Variants in TENM2 observed in about 807,000 individuals in gnomAD.
TENM2 encodes teneurin-2.
A neutral mutation model predicts 245.2 loss-of-function variants in TENM2; 52 were observed. The ratio of observed to expected loss-of-function variants is 0.21; its 90% CI spans 0.17 to 0.27. TENM2 has a LOEUF of 0.27. Ranked by LOEUF, TENM2 falls within the 10% of genes least tolerant of loss-of-function variation. TENM2 has a pLI of 1.00. For missense variants in TENM2, 3,046 were observed against 3,666.8 expected (o/e 0.83, Z 4.37); for synonymous variants, 1,363 against 1,438.9 (o/e 0.95, Z 1.19).
At chr5:167,678,061 G>A (rs1246314900) in intron 2 of TENM2, among the ~76,000 whole-genome samples, 1 of 152,014 alleles carries the variant, frequency 6.6e-6, no homozygotes, top group African/African-American at 2.4e-5. Flanking sequence ...ACAGGTCACA[G>A]AGTAGTCTAT....
chr5:167,202,677 C>A, the TENM2 span, among the ~76,000 whole-genome samples: 1 of 152,136 alleles, frequency 6.6e-6, no homozygotes, highest in Non-Finnish European at 1.5e-5. Flanking sequence ...AGGTGTGGCT[C>A]CTGGGAGTAC....
the TENM2 span, among the ~76,000 whole-genome samples, chr5:167,244,725 G>A: frequency 6.6e-6 from 1 of 152,158 alleles, no homozygotes; most frequent in Non-Finnish European, 1.5e-5. Context: ...TGGGCTTTTA[G>A]TGAGGCTGTG....
At chr5:167,165,484 G>A in the TENM2 span, 1 of 152,280 alleles carries the variant, frequency 6.6e-6, no homozygotes, top group South Asian at 2.1e-4. Flanking sequence ...CGAGGATGCG[G>A]TCTGGTGGGG....
intron 1 of TENM2, among the ~76,000 whole-genome samples, chr5:167,291,972 ATGGT>A (rs1754667394): frequency 6.6e-6 from 1 of 152,186 alleles, no homozygotes. Context: ...CCTCACAATC[ATGGT>A]AGAAGGCAAA....
At chr5:167,863,384 G>A (rs1250792690) in intron 2 of TENM2, among the ~76,000 whole-genome samples, 1 of 151,966 alleles carries the variant, frequency 6.6e-6, no homozygotes, top group Non-Finnish European at 1.5e-5. Context: ...GGAGGCTGAG[G>A]CAGGAGAATT....
At chr5:168,012,753 T>C (rs973843050) in intron 5 of TENM2, among the ~76,000 whole-genome samples, 5 of 132,506 alleles carry the variant, frequency 3.8e-5, no homozygotes, top group African/African-American at 1.5e-4. Flanking sequence ...ACCTTTCAGC[T>C]GTAAGTTATC....
chr5:168,106,831 C>T (rs760440113), intron 9 of TENM2, among the ~76,000 whole-genome samples: 2 of 152,206 alleles, frequency 1.3e-5, no homozygotes, highest in African/African-American at 2.4e-5. Flanking sequence ...GAGGCCAAGA[C>T]AGGCAGATCA....
At chr5:167,883,300 C>T (rs555381642) in intron 3 of TENM2, among the ~76,000 whole-genome samples, 1 of 152,330 alleles carries the variant, frequency 6.6e-6, no homozygotes, top group South Asian at 2.1e-4. Context: ...ACTTGCCTAG[C>T]AATGTACCAA....
the TENM2 span, among the ~76,000 whole-genome samples, chr5:167,075,025 A>G: frequency 1.3e-5 from 2 of 152,078 alleles, no homozygotes; most frequent in Non-Finnish European, 1.5e-5. Context: ...TGTTTTTGCT[A>G]TTGTTCTTAA....
At chr5:167,187,900 C>T in the TENM2 span, among the ~76,000 whole-genome samples, 1 of 152,068 alleles carries the variant, frequency 6.6e-6, no homozygotes, top group African/African-American at 2.4e-5. Flanking sequence ...CACCCCGAGC[C>T]ATAACTTTTG....
At position 167,735,243 on chromosome 5, in the gene TENM2, A is replaced by C. The variant is rs185595891; in HGVS notation, c.503-140743A>C. Among the ~76,000 whole-genome samples, 180 of 152,324 alleles carry C rather than the reference A, an allele frequency of 1.2e-3. 2 individuals carry two copies. The highest frequency in any genetic ancestry group is 3.7e-3 in the African/African-American group (153 of 41,572). Reference sequence around the variant, plus strand: ...CACTGATTCCCATGTTGAAGTCTGAAAATTTACAGATGAAAAAAACTATGT... The same window carrying C: ...CACTGATTCCCATGTTGAAGTCTGACAATTTACAGATGAAAAAAACTATGT... On this transcript the variant is annotated intron_variant, in intron 2 of 28. Transcript: ENST00000518659.
At chr5:167,118,221 A>G in the TENM2 span, among the ~76,000 whole-genome samples, 1 of 152,208 alleles carries the variant, frequency 6.6e-6, no homozygotes, top group African/African-American at 2.4e-5. Flanking sequence ...ATTAAAAATG[A>G]AGTTTCTCTT....
chr5:167,209,217 C>T, the TENM2 span, among the ~76,000 whole-genome samples: 41 of 152,184 alleles, frequency 2.7e-4, no homozygotes, highest in African/African-American at 8.9e-4. Flanking sequence ...TGAAGTACTT[C>T]GCTTTCCTGG....
intron 2 of TENM2, among the ~76,000 whole-genome samples, chr5:167,673,602 A>T (rs1388237501): frequency 1.3e-5 from 2 of 152,118 alleles, no homozygotes; most frequent in Non-Finnish European, 2.9e-5. Flanking sequence ...GCATAGGAGG[A>T]TAATAGTCTG....
intron 19 of TENM2, among the ~76,000 whole-genome samples, chr5:168,210,882 CT>C (rs1319533080): frequency 6.6e-6 from 1 of 152,212 alleles, no homozygotes; most frequent in Non-Finnish European, 1.5e-5. Flanking sequence ...CTTCTCGTCT[CT>C]GGCACGTCAA....
At chr5:167,535,884 C>T (rs1771808338) in intron 2 of TENM2, among the ~76,000 whole-genome samples, 1 of 152,160 alleles carries the variant, frequency 6.6e-6, no homozygotes, top group African/African-American at 2.4e-5. Flanking sequence ...GGCAAGAAAT[C>T]AGAGTGGTTC....
rs1766738873 is a variant in TENM2 at position 168,247,884 on chromosome 5, G to A, written c.6945G>A (p.Leu2315=). ...GGCGGGCTTCCTACAAGACCAACCT[G>A]GGCCACCACCTGCAGTACTTCTACT... The change falls in exon 27 of 29, where the codon CTG becomes CTA. Residue 2315 remains leucine, a synonymous_variant. Transcript: ENST00000518659. This position sits in a 1 kb window ranked among gnomAD's most constrained non-coding sequence, Gnocchi z 7.8. 6.2e-7 allele frequency: 1 copy of A among 1,613,788 alleles called. No homozygotes were observed. The highest frequency in any genetic ancestry group is 2.2e-5 in the East Asian group (1 of 44,888).
At chr5:168,141,335 G>A (rs1266140877) in intron 12 of TENM2, among the ~76,000 whole-genome samples, 2 of 152,132 alleles carry the variant, frequency 1.3e-5, no homozygotes, top group African/African-American at 4.8e-5. Context: ...TTCTCTGCAT[G>A]CAGGCATGCC....
At chr5:167,947,432 G>C (rs1295887584) in intron 3 of TENM2, among the ~76,000 whole-genome samples, 1 of 152,170 alleles carries the variant, frequency 6.6e-6, no homozygotes, top group African/African-American at 2.4e-5. Context: ...GACTCAGAAA[G>C]AAAAATATGT....
Sources: allele counts gnomAD v4.1 joint callset (sites outside exome capture counted in the v4.1 genomes callset), GRCh38; gene constraint gnomAD v4.1.1; non-coding constraint Gnocchi (gnomAD v3.1); transcripts MANE v1.5; gene names NCBI Gene and HGNC (gene_info 2026-07-23, HGNC 2026-07-21).